Variants in PIGR observed in about 807,000 individuals in gnomAD.
PIGR encodes the protein polymeric immunoglobulin receptor.
Under a neutral mutation model 69.5 loss-of-function variants are expected in PIGR, and 22 were observed. That is an observed-to-expected ratio of 0.32 (90% CI 0.23 to 0.45). PIGR has a LOEUF of 0.45. PIGR is among the 20% of genes least tolerant of loss of function. The pLI is 1.00. For missense variants in PIGR, 885 were observed against 974.0 expected (o/e 0.91, Z 1.22); for synonymous variants, 413 against 407.6 (o/e 1.01, Z -0.16).
At chr1:206,936,981 G>A in intron 4 of PIGR, 114 bp downstream of exon 4, 1 of 1,059,178 alleles carries the variant, frequency 9.4e-7, no homozygotes. Flanking sequence ...TGGTCATTGA[G>A]TGGATGCTGT....
chr1:206,932,387 A>C, intron 8 of PIGR, 69 bp downstream of exon 8: 1 of 1,498,762 alleles, frequency 6.7e-7, no homozygotes, highest in Non-Finnish European at 8.9e-7. Flanking sequence ...AGCTTCCTCT[A>C]TGGGTGGATG....
chr1:206,929,069 C>CAAAAAAAAA lies in PIGR; in HGVS notation c.*1240_*1248dup, dbSNP rs34687571. 3.6e-5 allele frequency: 3 copies of CAAAAAAAAA among 83,840 alleles called. No homozygotes were observed. Among genetic ancestry groups the CAAAAAAAAA allele is most frequent in the African/African-American group, 9.3e-5 (2 of 21,548 alleles). The allele number at this position is 83,840 out of a possible 1,614,324, so 5.2% of individuals were successfully genotyped here. A position where few individuals can be genotyped will look rare whatever the true frequency, so the allele number is the denominator to read the frequency against. On this transcript the variant is annotated 3_prime_UTR_variant, in exon 11 of 11. Transcript: ENST00000356495. Reference sequence around the variant, plus strand: ...TCAACATGGCGAAACCCTGTCTCTACAAAAAAAAAAAAAAAAAAAAAAAAT... The same window carrying CAAAAAAAAA: ...TCAACATGGCGAAACCCTGTCTCTACAAAAAAAAAAAAAAAAAAAAAAAAAAAAAAAAAT...
rs1183237543 is a variant in PIGR, at chr1:206,933,098, G to T, written c.1774C>A (p.Arg592=). 2 of 1,614,078 alleles carry T rather than the reference G, an allele frequency of 1.2e-6. No homozygotes were observed. The highest frequency in any genetic ancestry group is 1.7e-6 in the Non-Finnish European group (2 of 1,180,006). ...PDEKVLDSGF[R]EIENKAIQDP... ...TGAATGGCTTTGTTCTCAATCTCCC[G>T]AAAACCAGAGTCTAGCACCTTCTCA... Residue 592 remains arginine (R), a synonymous_variant, in exon 7 of 11, where the codon CGG becomes AGG. Transcript: ENST00000356495.
In PIGR at chr1:206,937,760, T is replaced by C. The variant is rs1235854858; in HGVS notation, c.389-9A>G. 4 of 1,613,094 alleles carry C rather than the reference T, an allele frequency of 2.5e-6. No homozygotes were observed. The highest frequency in any genetic ancestry group is 3.4e-6 in the Non-Finnish European group (4 of 1,179,576). ...ATTTAGGAGCCCAGGACCTGCAGGA[T>C]GAGGGGTGCAAGGTAGGGGGCAGGC... On this transcript the variant is annotated splice_polypyrimidine_tract_variant and intron_variant, in intron 3 of 10. Transcript: ENST00000356495.
chr1:206,940,551 C>T lies in PIGR; in HGVS notation c.-20G>A, dbSNP rs1679961191. On this transcript the variant is annotated 5_prime_UTR_variant, in exon 2 of 11. Coordinates refer to ENST00000356495, the MANE Select transcript of PIGR (RefSeq NM_002644.4). ...CAGCATTGCTGGTGGGTCCCGAGCG[C>T]CGCACCACTCAGGCCGACTTCTCCT... 5 of 1,549,198 alleles carry T rather than the reference C, an allele frequency of 3.2e-6. No individual in the cohort carries two copies. Among genetic ancestry groups the T allele is most frequent in the East Asian group, 2.4e-5 (1 of 40,852 alleles).
At chr1:206,941,507 A>G (rs1157139496) in intron 1 of PIGR, among the ~76,000 whole-genome samples, 1 of 152,218 alleles carries the variant, frequency 6.6e-6, no homozygotes, top group East Asian at 1.9e-4. Context: ...TATAATCACA[A>G]CCATTTTATG....
chr1:206,940,395 A>G lies in PIGR; in HGVS notation c.43+94T>C. 2.5e-6 allele frequency: 3 copies of G among 1,194,180 alleles called. 1 individual carries two copies. In the South Asian group the frequency reaches 4.3e-5, roughly 17 times the overall value. The allele number at this position is 1,194,180 out of a possible 1,614,324, so 74.0% of individuals were successfully genotyped here. The stretch of plus-strand genomic sequence containing the variant: ...AACTTTGAGAGGGACATCCCTGGGG[A>G]TGAGTCTGATTTTAGTGTCCCCAGG... On this transcript the variant is annotated intron_variant, in intron 2 of 10. Transcript: ENST00000356495.
chr1:206,937,453 A>G lies in PIGR; in HGVS notation c.687T>C (p.Asn229=). 6.2e-7 allele frequency: 1 copy of G among 1,614,118 alleles called. No individual in the cohort carries two copies. Among genetic ancestry groups the G allele is most frequent in the Non-Finnish European group, 8.5e-7 (1 of 1,180,030 alleles). ...LCQAGDDSNS[N]KKNADLQVLK... is the part of the protein sequence containing the mutation. Reference sequence around the variant, plus strand: ...GCACTTGGAGGTCAGCATTCTTCTTATTACTATTGGAATCATCCCCAGCCT... The same window carrying G: ...GCACTTGGAGGTCAGCATTCTTCTTGTTACTATTGGAATCATCCCCAGCCT... Residue 229 remains asparagine, a synonymous_variant, in exon 4 of 11, where the codon AAT becomes AAC. Transcript: ENST00000356495.
chr1:206,943,651 C>T (rs1680042531), intron 1 of PIGR, among the ~76,000 whole-genome samples: 1 of 152,136 alleles, frequency 6.6e-6, no homozygotes, highest in Non-Finnish European at 1.5e-5. Context: ...GTGTGGAGTC[C>T]AAACCTTTGT....
In PIGR at chr1:206,937,377, A is replaced by G. The variant is rs761998312; in HGVS notation, c.763T>C (p.Phe255Leu). ...ACCTCAGGGCCCAGGGCACAGTGGA[A>G]GGTCACTGAGCCCCTCAGGTCTTCA... ...VYEDLRGSVT[F>L]HCALGPEVAN... is the part of the protein sequence containing the mutation. The change falls in exon 4 of 11, where the codon TTC becomes CTC. Residue 255 changes from phenylalanine to leucine, a missense_variant. By Grantham distance (22) the Phe-to-Leu change is conservative (BLOSUM62 0). Coordinates refer to ENST00000356495, the MANE Select transcript of PIGR (RefSeq NM_002644.4). 1 of 1,613,952 alleles carries G rather than the reference A, an allele frequency of 6.2e-7. No homozygotes were observed. The highest frequency in any genetic ancestry group is 8.5e-7 in the Non-Finnish European group (1 of 1,179,854).
rs1679937687 is a variant in PIGR at position 206,939,423 on chromosome 1, C to T, written c.84G>A (p.Val28=). The T allele has an allele frequency of 6.2e-7, 1 of 1,611,802 alleles. No individual in the cohort carries two copies. Among genetic ancestry groups the T allele is most frequent in the Non-Finnish European group, 8.5e-7 (1 of 1,178,164 alleles). ...TKSPIFGPEE[V]NSVEGNSVSI... ...ACACTGAGTTACCTTCCACACTATTCACCTCCTCGGGACCAAATATGGGAC... is the reference window on the plus strand; with the variant it reads ...ACACTGAGTTACCTTCCACACTATTTACCTCCTCGGGACCAAATATGGGAC... Residue 28 remains valine (V), a synonymous_variant, in exon 3 of 11, where the codon GTG becomes GTA. Coordinates refer to ENST00000356495, the MANE Select transcript of PIGR (RefSeq NM_002644.4).
At chr1:206,938,132 T>A (rs1340166950) in intron 3 of PIGR, among the ~76,000 whole-genome samples, 1 of 152,244 alleles carries the variant, frequency 6.6e-6, no homozygotes, top group Non-Finnish European at 1.5e-5. Flanking sequence ...CAAATTAATG[T>A]GTGCTGAAAT....
At chr1:206,938,022 G>A (rs1388152838) in intron 3 of PIGR, among the ~76,000 whole-genome samples, 1 of 152,170 alleles carries the variant, frequency 6.6e-6, no homozygotes, top group Non-Finnish European at 1.5e-5. Flanking sequence ...GGGTAATTAT[G>A]TTCTCCATGG....
rs940748155 is a variant in PIGR, at chr1:206,930,755, T to A, written c.2200-342A>T. 2.0e-5 allele frequency: 20 copies of A among 985,268 alleles called. No homozygotes were observed. In the South Asian group the frequency reaches 9.4e-4, roughly 46 times the overall value. 61.0% of individuals were successfully genotyped at this position (985,268 alleles called of 1,614,324 possible). On this transcript the variant is annotated intron_variant, in intron 10 of 10. Coordinates refer to ENST00000356495, the MANE Select transcript of PIGR (RefSeq NM_002644.4). This position sits in a 1 kb window ranked among gnomAD's most constrained non-coding sequence, Gnocchi z 4.3. Reference sequence around the variant, plus strand: ...GGTCAACCACGGTGGTGTATGTTTTTCTTTCTCCACCAGCCCAGACAGGTA... The same window carrying A: ...GGTCAACCACGGTGGTGTATGTTTTACTTTCTCCACCAGCCCAGACAGGTA...
intron 3 of PIGR, 106 bp downstream of exon 3, chr1:206,939,013 A>T: frequency 9.9e-7 from 1 of 1,012,354 alleles, no homozygotes; most frequent in Non-Finnish European, 1.5e-6. Context: ...CTGACCCCCA[A>T]CCCGGCTACA....
In PIGR at chr1:206,935,317, T is replaced by A. The variant is rs1417196002; in HGVS notation, c.1378+169A>T. Among the ~76,000 whole-genome samples, 1 of 151,878 alleles carries A rather than the reference T, an allele frequency of 6.6e-6. No individual in the cohort carries two copies. The highest frequency in any genetic ancestry group is 1.5e-5 in the Non-Finnish European group (1 of 67,980). ...AGGTACCATGTATGGTAATTCAGAG[T>A]GTAAGGTGCGTGTTATAGGCATGAA... On this transcript the variant is annotated intron_variant, in intron 5 of 10. Coordinates refer to ENST00000356495, the MANE Select transcript of PIGR (RefSeq NM_002644.4). The surrounding 1 kb of genome is among the most constrained non-coding windows in gnomAD (Gnocchi z 4.4).
intron 1 of PIGR, among the ~76,000 whole-genome samples, chr1:206,941,948 G>A (rs746888415): frequency 1.2e-4 from 18 of 152,190 alleles, no homozygotes; most frequent in Non-Finnish European, 2.4e-4. Flanking sequence ...GAAGCTGGGC[G>A]TTATCTCCCA....
chr1:206,937,506 G>C lies in PIGR; in HGVS notation c.634C>G (p.Leu212Val), dbSNP rs761287769. The change falls in exon 4 of 11, where the codon CTC (leucine) becomes GTC (valine). Residue 212 changes from leucine to valine, a missense_variant. Physicochemically the swap from Leu to Val is conservative, Grantham distance 32. Coordinates refer to ENST00000356495, the MANE Select transcript of PIGR (RefSeq NM_002644.4). ...CAGAGATACTGCCCAGCATCGCTGA[G>C]CCTGAGTTGGTTGATGACAACGCTG... ...LFSVVINQLR[L>V]SDAGQYLCQA... 30 of 1,614,092 alleles carry C rather than the reference G, an allele frequency of 1.9e-5. No individual in the cohort carries two copies. The highest frequency in any genetic ancestry group is 2.5e-5 in the Non-Finnish European group (30 of 1,180,048).
chr1:206,932,544 C>G lies in PIGR; in HGVS notation c.1920G>C (p.Leu640=). 1 of 1,613,908 alleles carries G rather than the reference C, an allele frequency of 6.2e-7. No homozygotes were observed. The highest frequency in any genetic ancestry group is 8.5e-7 in the Non-Finnish European group (1 of 1,179,956). ...GGCCCAGGGGCACCAGGGTGGAGAC[C>G]AGCGCTCTGGAGCTTCCACCTTGTT... ...SEEQGGSSRA[L]VSTLVPLGLV... is the part of the protein sequence containing the mutation. The change falls in exon 8 of 11, where the codon CTG becomes CTC. Residue 640 remains leucine, a synonymous_variant. Coordinates refer to ENST00000356495, the MANE Select transcript of PIGR (RefSeq NM_002644.4).
Sources: allele counts gnomAD v4.1 joint callset (sites outside exome capture counted in the v4.1 genomes callset), GRCh38; gene constraint gnomAD v4.1.1; non-coding constraint Gnocchi (gnomAD v3.1); transcripts MANE v1.5; gene names NCBI Gene and HGNC (gene_info 2026-07-23, HGNC 2026-07-21).